The following MAN1A2 variants were observed in gnomAD, a reference collection of about 807,000 sequenced individuals.
MAN1A2 encodes the protein mannosidase alpha class 1A member 2.
In MAN1A2, 26 loss-of-function variants were observed where a neutral mutation model predicts 75.7. The ratio of observed to expected loss-of-function variants is 0.34; its 90% CI spans 0.25 to 0.48. The LOEUF is 0.48. Ranked by LOEUF, MAN1A2 falls within the 20% of genes least tolerant of loss-of-function variation. MAN1A2 has a pLI of 0.99. For missense variants in MAN1A2, 562 were observed against 775.5 expected (o/e 0.72, Z 3.27); for synonymous variants, 247 against 264.6 (o/e 0.93, Z 0.65).
At chr1:117,477,215 T>A (rs1449459349) in intron 8 of MAN1A2, among the ~76,000 whole-genome samples, 2 of 151,798 alleles carry the variant, frequency 1.3e-5, no homozygotes, top group Non-Finnish European at 2.9e-5. Context: ...AAAGAGGAGC[T>A]TGTACCTACC....
At chr1:117,513,860 C>T (rs1341021216) in intron 12 of MAN1A2, among the ~76,000 whole-genome samples, 2 of 152,192 alleles carry the variant, frequency 1.3e-5, no homozygotes, top group African/African-American at 2.4e-5. Context: ...TTTTACTAAG[C>T]AAGTTATTCT....
At chr1:117,420,697 G>A (rs1170387465) in intron 5 of MAN1A2, 48 bp downstream of exon 5, 2 of 1,324,600 alleles carry the variant, frequency 1.5e-6, no homozygotes, top group African/African-American at 2.9e-5. Flanking sequence ...GGGAGGGTTG[G>A]AATTTAATAA....
At chr1:117,392,968 A>G (rs1022749238) in intron 1 of MAN1A2, among the ~76,000 whole-genome samples, 1 of 152,216 alleles carries the variant, frequency 6.6e-6, no homozygotes, top group Non-Finnish European at 1.5e-5. Context: ...ACCAATTCAT[A>G]TTGAGAAACA....
chr1:117,418,561 T>C (rs1648087318), intron 4 of MAN1A2, among the ~76,000 whole-genome samples: 1 of 152,180 alleles, frequency 6.6e-6, no homozygotes, highest in Non-Finnish European at 1.5e-5. Flanking sequence ...AAAGGCAATC[T>C]GTTTTTTCCC....
chr1:117,501,518 A>G (rs1651201177), intron 11 of MAN1A2, among the ~76,000 whole-genome samples: 1 of 151,820 alleles, frequency 6.6e-6, no homozygotes, highest in African/African-American at 2.4e-5. Flanking sequence ...TGCCCTCATG[A>G]CTTTAAATGT....
intron 7 of MAN1A2, among the ~76,000 whole-genome samples, chr1:117,463,867 C>G (rs1394431676): frequency 6.6e-6 from 1 of 152,010 alleles, no homozygotes; most frequent in East Asian, 1.9e-4. Context: ...ATCCCCATAG[C>G]TAATGGAAAA....
At position 117,523,792 on chromosome 1, in the gene MAN1A2, C is replaced by G. The variant is rs990031241; in HGVS notation, c.*835C>G. ...ATGCCGCAGTTTGTTGCCTTGAAACCTAAGAGCAATCCTTGGTTTTGTTGC... is the reference window on the plus strand; with the variant it reads ...ATGCCGCAGTTTGTTGCCTTGAAACGTAAGAGCAATCCTTGGTTTTGTTGC... On this transcript the variant is annotated 3_prime_UTR_variant, in exon 13 of 13. Transcript: ENST00000356554. 5.9e-5 allele frequency: 9 copies of G among 151,810 alleles called. No homozygotes were observed. The highest frequency in any genetic ancestry group is 2.2e-4 in the African/African-American group (9 of 41,362). The allele number at this position is 151,810 out of a possible 1,614,324, so 9.4% of individuals were successfully genotyped here. A position where few individuals can be genotyped will look rare whatever the true frequency, so the allele number is the denominator to read the frequency against.
Position 117,368,138 on chromosome 1 carries a change from C to T in MAN1A2, c.-46C>T, listed in dbSNP as rs760621079. On this transcript the variant is annotated 5_prime_UTR_variant, in exon 1 of 13. Coordinates refer to ENST00000356554, the MANE Select transcript of MAN1A2 (RefSeq NM_006699.5). ...ACAGTTCAATGTATTCTACATTTGA[C>T]ATAAGATGAGAACTTTCTAAAGTAT... The T allele has an allele frequency of 7.9e-6, 12 of 1,519,998 alleles. No individual in the cohort carries two copies. The highest frequency in any genetic ancestry group is 4.3e-5 in the Admixed American group (2 of 46,582). The allele number at this position is 1,519,998 out of a possible 1,614,324, so 94.2% of individuals were successfully genotyped here.
At chr1:117,512,238 A>G (rs184834990) in intron 12 of MAN1A2, among the ~76,000 whole-genome samples, 15 of 152,134 alleles carry the variant, frequency 9.9e-5, no homozygotes, top group Non-Finnish European at 1.0e-4. Context: ...TGTTTTCAGT[A>G]GAGAGTCAAA....
chr1:117,500,237 C>T (rs566569875), intron 11 of MAN1A2, among the ~76,000 whole-genome samples: 4 of 152,000 alleles, frequency 2.6e-5, no homozygotes, highest in East Asian at 1.9e-4. Context: ...GGAAATAAGA[C>T]GTGTGCACAA....
intron 3 of MAN1A2, among the ~76,000 whole-genome samples, chr1:117,414,200 T>C (rs1420591694): frequency 1.3e-5 from 2 of 151,804 alleles, no homozygotes; most frequent in African/African-American, 2.4e-5. Context: ...TTGTTTTTTT[T>C]CCACTGTGGT....
chr1:117,417,534 A>AATATATATATATATAT (rs551507232), intron 4 of MAN1A2, among the ~76,000 whole-genome samples: 4,864 of 88,678 alleles, frequency 0.055, 297 homozygotes, highest in South Asian at 0.081. Flanking sequence ...CTTGAGTTTA[A>AATATATATATATATAT]ATATATATAT....
chr1:117,507,833 G>C (rs1435130176), intron 12 of MAN1A2, among the ~76,000 whole-genome samples: 2 of 151,668 alleles, frequency 1.3e-5, no homozygotes, highest in Non-Finnish European at 3.0e-5. Flanking sequence ...GCAAGAAAGA[G>C]AAATATGTTC....
chr1:117,415,252 G>T (rs1475580104), intron 4 of MAN1A2, among the ~76,000 whole-genome samples: 1 of 152,032 alleles, frequency 6.6e-6, no homozygotes, highest in East Asian at 1.9e-4. Context: ...TTATAGTATT[G>T]TGAGGATTAT....
chr1:117,518,727 C>T (rs894133834), intron 12 of MAN1A2, among the ~76,000 whole-genome samples: 1 of 152,108 alleles, frequency 6.6e-6, no homozygotes, highest in East Asian at 1.9e-4. Flanking sequence ...GACAGCAACA[C>T]AACAATAATG....
chr1:117,404,485 G>A (rs1356321474), intron 2 of MAN1A2, among the ~76,000 whole-genome samples: 3 of 152,118 alleles, frequency 2.0e-5, no homozygotes, highest in Non-Finnish European at 4.4e-5. Context: ...ATCCAAGCCT[G>A]TAGATATTAT....
chr1:117,396,913 A>G (rs1653920282), intron 1 of MAN1A2, among the ~76,000 whole-genome samples: 1 of 152,024 alleles, frequency 6.6e-6, no homozygotes, highest in Non-Finnish European at 1.5e-5. Flanking sequence ...TATCTCTGTT[A>G]ATGAAGGTAC....
intron 1 of MAN1A2, among the ~76,000 whole-genome samples, chr1:117,380,302 C>G (rs965146221): frequency 6.6e-6 from 1 of 152,134 alleles, no homozygotes; most frequent in East Asian, 1.9e-4. Context: ...AACGTCTATC[C>G]AGGCTTTGTC....
chr1:117,470,709 A>G (rs1256713498), intron 8 of MAN1A2, among the ~76,000 whole-genome samples: 1 of 152,016 alleles, frequency 6.6e-6, no homozygotes, highest in African/African-American at 2.4e-5. Context: ...AGAATTGTCC[A>G]ATTTGTTCCT....
Sources: gnomAD v4.1 joint callset for allele counts (sites outside exome capture counted in the v4.1 genomes callset) on GRCh38, gnomAD v4.1.1 for gene constraint, MANE v1.5 for transcripts, NCBI Gene and HGNC (gene_info 2026-07-23, HGNC 2026-07-21) for gene names.